Variants in RAB27A observed in about 807,000 individuals in gnomAD.
RAB27A encodes ras-related protein Rab-27A.
Under a neutral mutation model 20.8 loss-of-function variants are expected in RAB27A, and 17 were observed. The observed-to-expected ratio is 0.82, with a 90% CI of 0.56 to 1.23. The LOEUF (loss-of-function observed/expected upper bound fraction) is 1.23, where lower values mean the gene tolerates loss of function less well. Ranked by LOEUF, RAB27A falls within the 50% of genes most tolerant of loss-of-function variation. The pLI is 0.00. For missense variants in RAB27A, 277 were observed against 266.7 expected (o/e 1.04, Z -0.27); for synonymous variants, 85 against 92.8 (o/e 0.92, Z 0.48).
intron 1 of RAB27A, among the ~76,000 whole-genome samples, chr15:55,279,235 G>A (rs1260302394): frequency 6.6e-6 from 1 of 152,128 alleles, no homozygotes; most frequent in East Asian, 1.9e-4. Context: ...CAGTGTCCGA[G>A]GCCTGTGACC....
intron 1 of RAB27A, among the ~76,000 whole-genome samples, chr15:55,272,421 A>T (rs973946292): frequency 6.6e-6 from 1 of 152,168 alleles, no homozygotes; most frequent in African/African-American, 2.4e-5. Context: ...ACAAACAAAA[A>T]AAATCCTGTA....
At chr15:55,229,507 C>T (rs1330079702) in intron 4 of RAB27A, among the ~76,000 whole-genome samples, 1 of 152,042 alleles carries the variant, frequency 6.6e-6, no homozygotes, top group African/African-American at 2.4e-5. Context: ...GAAACCCCAA[C>T]TCTACTAAAA....
intron 1 of RAB27A, among the ~76,000 whole-genome samples, chr15:55,276,231 G>T (rs904104518): frequency 4.6e-5 from 7 of 152,026 alleles, no homozygotes; most frequent in African/African-American, 1.7e-4. Context: ...CACTGACAAT[G>T]AATGAATGAA....
chr15:55,308,796 C>G (rs562816446), intron 2 of RAB27A, among the ~76,000 whole-genome samples: 7 of 152,280 alleles, frequency 4.6e-5, no homozygotes, highest in Non-Finnish European at 7.3e-5. Context: ...GTCAGTATGC[C>G]GTTCACATCA....
At chr15:55,306,407 C>T (rs992620100) in intron 2 of RAB27A, among the ~76,000 whole-genome samples, 30 of 152,050 alleles carry the variant, frequency 2.0e-4, no homozygotes, top group Admixed American at 3.9e-4. Flanking sequence ...AGTATGGGTA[C>T]GGAGGGTTTC....
chr15:55,236,026 C>T (rs566865608), intron 2 of RAB27A, among the ~76,000 whole-genome samples: 11 of 151,868 alleles, frequency 7.2e-5, no homozygotes, highest in African/African-American at 2.2e-4. Context: ...GGGTGGGAGG[C>T]GGGTGAGGGA....
At chr15:55,302,982 T>G (rs1307328392) in intron 2 of RAB27A, among the ~76,000 whole-genome samples, 4 of 123,566 alleles carry the variant, frequency 3.2e-5, no homozygotes, top group Non-Finnish European at 5.0e-5. Flanking sequence ...AAGAGGGAGG[T>G]GGGGGGGGGT....
chr15:55,303,937 C>T (rs1334146939), intron 2 of RAB27A, among the ~76,000 whole-genome samples: 6 of 148,254 alleles, frequency 4.0e-5, no homozygotes, highest in East Asian at 2.2e-4. Context: ...CCCCTCTGCC[C>T]GGCCACCACC....
intron 1 of RAB27A, among the ~76,000 whole-genome samples, chr15:55,278,009 T>A (rs1052750718): frequency 6.6e-6 from 1 of 152,256 alleles, no homozygotes; most frequent in Non-Finnish European, 1.5e-5. Context: ...TTTGTATAAC[T>A]CTTGACACAT....
intron 6 of RAB27A, among the ~76,000 whole-genome samples, chr15:55,218,814 C>T (rs1343039103): frequency 6.6e-6 from 1 of 150,694 alleles, no homozygotes; most frequent in Non-Finnish European, 1.5e-5. Context: ...GTGATCTTGG[C>T]TCACTGCAAC....
chr15:55,209,813 CAT>C lies in RAB27A; in HGVS notation c.468-4110_468-4109del, dbSNP rs1491231976. ...GTGTGTATGTATACATATATACACA[CAT>C]GTGTGTATATATACATATATGTGTG... On this transcript the variant is annotated intron_variant, in intron 6 of 6. Coordinates refer to ENST00000336787, the MANE Select transcript of RAB27A (RefSeq NM_183235.3). Among the ~76,000 whole-genome samples the C allele has an allele frequency of 7.9e-4, 85 of 108,246 alleles. 19 individuals are homozygous for C. The highest frequency in any genetic ancestry group is 2.6e-3 in the African/African-American group (40 of 15,126). The allele number at this position is 108,246 out of a possible 152,430, so 71.0% of individuals were successfully genotyped here.
chr15:55,308,449 C>T (rs1289490322), intron 2 of RAB27A, among the ~76,000 whole-genome samples: 1 of 152,186 alleles, frequency 6.6e-6, no homozygotes, highest in East Asian at 1.9e-4. Flanking sequence ...CAGCTGAGCA[C>T]TAGTTCCCGG....
At chr15:55,245,313 A>G (rs572373604) in intron 2 of RAB27A, among the ~76,000 whole-genome samples, 120 of 152,274 alleles carry the variant, frequency 7.9e-4, no homozygotes, top group African/African-American at 2.8e-3. Flanking sequence ...CGCCCTCCCT[A>G]ATATGTCAAG....
rs540520068 is a variant in RAB27A, at chr15:55,230,473, C to T, written c.167G>A (p.Ser56Asn). The T allele has an allele frequency of 3.3e-4, 528 of 1,613,590 alleles. 7 individuals carry two copies. In the South Asian group the frequency reaches 5.2e-3, roughly 16 times the overall value. Residue 56 changes from serine to asparagine, a missense_variant, in exon 4 of 7, where the codon AGT becomes AAT. Physicochemically the swap from Ser to Asn is conservative, Grantham distance 46. Coordinates refer to ENST00000336787, the MANE Select transcript of RAB27A (RefSeq NM_183235.3). ...FREKRVVYRA[S>N]GPDGATGRGQ... ...TCTGCCAGTGGCTCCATCCGGCCCA[C>T]TGGCTCTGTACACCTAAAACAGCAA...
intron 6 of RAB27A, among the ~76,000 whole-genome samples, chr15:55,215,388 C>T (rs140277537): frequency 0.013 from 1,946 of 152,284 alleles, 34 homozygotes; most frequent in African/African-American, 0.044. Context: ...CGCGGTGGCT[C>T]ACGCCTGTCA....
In RAB27A at chr15:55,210,412, G is replaced by GTTTTT. The variant is rs572160899; in HGVS notation, c.468-4712_468-4708dup. Among the ~76,000 whole-genome samples the GTTTTT allele has an allele frequency of 2.7e-4, 35 of 128,000 alleles. 1 individual carries two copies. Among genetic ancestry groups the GTTTTT allele is most frequent in the Admixed American group, 6.9e-4 (9 of 12,976 alleles). The allele number at this position is 128,000 out of a possible 152,430, so 84.0% of individuals were successfully genotyped here. On this transcript the variant is annotated intron_variant, in intron 6 of 6. Coordinates refer to ENST00000336787, the MANE Select transcript of RAB27A (RefSeq NM_183235.3). ...CCACTATTGCCTGTATTTAGGTGTG[G>GTTTTT]TTTTTTTTTTTTTGAGGGGGGGGGA... is the stretch of plus-strand genomic sequence containing the variant.
intron 2 of RAB27A, chr15:55,238,047 T>C (rs994643708): frequency 6.6e-6 from 1 of 152,196 alleles, no homozygotes; most frequent in Admixed American, 6.5e-5. Context: ...CAAGTAATCA[T>C]AAAGGGACTG....
At chr15:55,240,562 C>A (rs866626531) in intron 2 of RAB27A, among the ~76,000 whole-genome samples, 1 of 152,052 alleles carries the variant, frequency 6.6e-6, no homozygotes, top group African/African-American at 2.4e-5. Context: ...CTTGGCCAGT[C>A]TACCCACATA....
In RAB27A at chr15:55,234,834, A is replaced by C; in HGVS notation, c.101T>G (p.Phe34Cys). ...SVLYQYTDGK[F>C]NSKFITTVGI... ...CACTGTTGTGATAAATTTGGAGTTAAATTTACCATCTGTATATTGGTAAAG... is the reference window on the plus strand; with the variant it reads ...CACTGTTGTGATAAATTTGGAGTTACATTTACCATCTGTATATTGGTAAAG... Residue 34 changes from phenylalanine (F) to cysteine (C), a missense_variant, in exon 3 of 7, where the codon TTT becomes TGT. Coordinates refer to ENST00000336787, the MANE Select transcript of RAB27A (RefSeq NM_183235.3). 6.2e-7 allele frequency: 1 copy of C among 1,612,610 alleles called. No individual in the cohort carries two copies. Among genetic ancestry groups the C allele is most frequent in the Non-Finnish European group, 8.5e-7 (1 of 1,178,924 alleles).
Sources: gnomAD v4.1 joint callset for allele counts (sites outside exome capture counted in the v4.1 genomes callset) on GRCh38, gnomAD v4.1.1 for gene constraint, MANE v1.5 for transcripts, NCBI Gene and HGNC (gene_info 2026-07-23, HGNC 2026-07-21) for gene names.